Variants in PIAS4 observed in about 807,000 individuals in gnomAD.
The protein encoded by PIAS4 is E3 SUMO-protein ligase PIAS4.
A neutral mutation model predicts 58.0 loss-of-function variants in PIAS4; 7 were observed. The observed-to-expected ratio is 0.12, with a 90% CI of 0.07 to 0.23. PIAS4 has a LOEUF of 0.23. PIAS4 is among the 10% of genes least tolerant of loss of function. The pLI, the probability that PIAS4 is intolerant of heterozygous loss-of-function variation, is 1.00. For synonymous variants in PIAS4, 364 were observed against 312.4 expected (o/e 1.17, Z -1.74); for missense variants, 550 against 709.5 (o/e 0.78, Z 2.55).
At chr19:4,033,717 C>T (rs2040247628) in intron 9 of PIAS4, 137 bp downstream of exon 9, 4 of 751,878 alleles carry the variant, frequency 5.3e-6, no homozygotes, top group Non-Finnish European at 8.4e-6. Context: ...GCTTTGGAAA[C>T]CCCGGGCTGC....
intron 2 of PIAS4, chr19:4,018,491 G>A (rs1322311498): frequency 3.9e-5 from 6 of 152,252 alleles, no homozygotes; most frequent in African/African-American, 1.4e-4. Context: ...CCGGGCCGGA[G>A]GGCCTGGCTG....
chr19:4,023,929 C>T (rs2040136330), intron 2 of PIAS4, 107 bp from the exon 3 acceptor site: 1 of 793,448 alleles, frequency 1.3e-6, no homozygotes, highest in Non-Finnish European at 2.2e-6. Flanking sequence ...CAGCCAACTT[C>T]CCATTTCCTG....
At chr19:4,012,749 GC>G (rs2144906645) in intron 1 of PIAS4, among the ~76,000 whole-genome samples, 173 bp from the exon 2 acceptor site, 1 of 151,990 alleles carries the variant, frequency 6.6e-6, no homozygotes, top group South Asian at 2.1e-4. Flanking sequence ...AGGGGGCAGG[GC>G]TTTGCTGGGA....
At chr19:4,011,650 G>T (rs2039993472) in intron 1 of PIAS4, among the ~76,000 whole-genome samples, 1 of 151,652 alleles carries the variant, frequency 6.6e-6, no homozygotes. Flanking sequence ...TTGGTGTGGA[G>T]GTGTGTTTGG....
At chr19:4,012,799 C>G (rs764218011) in intron 1 of PIAS4, 124 bp from the exon 2 acceptor site, 49 of 1,114,196 alleles carry the variant, frequency 4.4e-5, no homozygotes, top group Middle Eastern at 4.3e-4. Context: ...CCAGCCCCAG[C>G]CAAGGCTGGC....
chr19:4,008,895 G>A (rs987055025), intron 1 of PIAS4, among the ~76,000 whole-genome samples: 1 of 152,014 alleles, frequency 6.6e-6, no homozygotes, highest in African/African-American at 2.4e-5. Flanking sequence ...CTGGGTCCAA[G>A]GCTGGCCTCT....
chr19:4,018,398 C>T (rs1000357199), intron 2 of PIAS4: 1 of 152,370 alleles, frequency 6.6e-6, no homozygotes, highest in East Asian at 1.9e-4. Context: ...TCTCGTGAGG[C>T]TCCCTGGCAG....
intron 1 of PIAS4, among the ~76,000 whole-genome samples, chr19:4,009,545 T>C (rs1406867120): frequency 1.3e-5 from 2 of 152,074 alleles, no homozygotes; most frequent in African/African-American, 4.8e-5. Context: ...TGAACTTTCC[T>C]TAACCCTCTG....
intron 2 of PIAS4, among the ~76,000 whole-genome samples, chr19:4,016,366 C>T (rs1284852408): frequency 6.6e-6 from 1 of 152,246 alleles, no homozygotes; most frequent in African/African-American, 2.4e-5. Context: ...GCCCCTGTCA[C>T]CACGACTCCA....
intron 2 of PIAS4, among the ~76,000 whole-genome samples, chr19:4,021,352 G>C (rs1447227277): frequency 6.6e-6 from 1 of 151,942 alleles, no homozygotes; most frequent in Non-Finnish European, 1.5e-5. Context: ...TTACCATATT[G>C]TCCAGGCTGG....
At chr19:4,024,677 C>T (rs1363817989) in intron 3 of PIAS4, among the ~76,000 whole-genome samples, 1 of 152,126 alleles carries the variant, frequency 6.6e-6, no homozygotes, top group East Asian at 1.9e-4. Context: ...ATCCCAGGAG[C>T]TGGGGGTCCC....
intron 7 of PIAS4, among the ~76,000 whole-genome samples, chr19:4,032,068 C>A (rs925893765): frequency 6.6e-6 from 1 of 152,148 alleles, no homozygotes; most frequent in Non-Finnish European, 1.5e-5. Context: ...GCCCACTGCT[C>A]CACACCCCGG....
chr19:4,024,509 C>T (rs898476901), intron 3 of PIAS4, among the ~76,000 whole-genome samples: 7 of 152,166 alleles, frequency 4.6e-5, no homozygotes, highest in African/African-American at 1.7e-4. Context: ...TCCAGTGTCC[C>T]CTAGGGCAGG....
chr19:4,018,988 G>T (rs1357409547), intron 2 of PIAS4, among the ~76,000 whole-genome samples: 2 of 152,116 alleles, frequency 1.3e-5, no homozygotes, highest in Non-Finnish European at 2.9e-5. Flanking sequence ...GGGTACTGAG[G>T]GTCAGGGGTC....
At chr19:4,030,928 G>A (rs979642847) in intron 7 of PIAS4, among the ~76,000 whole-genome samples, 3 of 152,160 alleles carry the variant, frequency 2.0e-5, no homozygotes, top group Non-Finnish European at 4.4e-5. Flanking sequence ...TCAGGCAGGT[G>A]GGTGAGGACT....
intron 3 of PIAS4, among the ~76,000 whole-genome samples, chr19:4,025,003 A>G (rs1269938430): frequency 1.3e-5 from 2 of 152,186 alleles, no homozygotes; most frequent in Admixed American, 1.3e-4. Context: ...GACTCAGGTG[A>G]TTCACCCACC....
chr19:4,011,677 G>T (rs1234205907), intron 1 of PIAS4, among the ~76,000 whole-genome samples: 3 of 134,162 alleles, frequency 2.2e-5, no homozygotes, highest in African/African-American at 7.8e-5. Context: ...GGTGTGGGGG[G>T]TGTGGAGGTG....
At chr19:4,023,687 T>C (rs2144922246) in intron 2 of PIAS4, among the ~76,000 whole-genome samples, 1 of 152,268 alleles carries the variant, frequency 6.6e-6, no homozygotes, top group Admixed American at 6.5e-5. Flanking sequence ...AGAGGAGGTA[T>C]GGCAGTGTCC....
intron 7 of PIAS4, among the ~76,000 whole-genome samples, chr19:4,032,233 C>T (rs985173226): frequency 1.3e-5 from 2 of 152,158 alleles, no homozygotes; most frequent in Non-Finnish European, 2.9e-5. Flanking sequence ...GGCACCATCA[C>T]TCTGGACCCC....
Sources: allele counts gnomAD v4.1 joint callset (sites outside exome capture counted in the v4.1 genomes callset), GRCh38; gene constraint gnomAD v4.1.1; transcripts MANE v1.5; gene names NCBI Gene and HGNC (gene_info 2026-07-23, HGNC 2026-07-21).